The following UBOX5 variants were observed in gnomAD, a reference collection of about 807,000 sequenced individuals.
UBOX5 encodes U-box domain containing 5.
In UBOX5, 28 loss-of-function variants were observed where a neutral mutation model predicts 39.0. That is an observed-to-expected ratio of 0.72 (90% CI 0.53 to 0.98). The LOEUF (loss-of-function observed/expected upper bound fraction) is 0.98, where lower values mean the gene tolerates loss of function less well. Among genes scored for constraint, UBOX5 ranks in the 50% least tolerant of loss-of-function variants. The pLI, the probability that UBOX5 is intolerant of heterozygous loss-of-function variation, is 0.00. For synonymous variants in UBOX5, 283 were observed against 275.5 expected (o/e 1.03, Z -0.27); for missense variants, 585 against 674.4 (o/e 0.87, Z 1.47).
chr20:3,144,921 A>C (rs1200569600), intron 1 of UBOX5, among the ~76,000 whole-genome samples: 1 of 152,178 alleles, frequency 6.6e-6, no homozygotes, highest in Non-Finnish European at 1.5e-5. Context: ...TCTAGGTCCA[A>C]TTTTAAGAAG....
intron 1 of UBOX5, among the ~76,000 whole-genome samples, chr20:3,137,673 G>A (rs759563292): frequency 6.6e-6 from 1 of 152,208 alleles, no homozygotes; most frequent in African/African-American, 2.4e-5. Flanking sequence ...ATTCATTTGT[G>A]TGTGCCTATC....
chr20:3,145,841 T>G (rs1199946282), intron 1 of UBOX5, among the ~76,000 whole-genome samples: 2 of 151,478 alleles, frequency 1.3e-5, no homozygotes, highest in African/African-American at 4.9e-5. Context: ...AGGTCAGGAG[T>G]GTGAGACCAG....
chr20:3,128,664 TCAGCCCGGGCAACA>T (rs1275304289), intron 1 of UBOX5, among the ~76,000 whole-genome samples: 2 of 151,994 alleles, frequency 1.3e-5, no homozygotes, highest in East Asian at 3.9e-4. Flanking sequence ...GAGTTCGAGA[TCAGCCCGGGCAACA>T]CAGCAAGACC....
At chr20:3,134,879 A>T (rs2066457688) in intron 1 of UBOX5, among the ~76,000 whole-genome samples, 2 of 152,032 alleles carry the variant, frequency 1.3e-5, no homozygotes, top group Admixed American at 1.3e-4. Context: ...AAAAAAAAAA[A>T]TTTATATACA....
At chr20:3,121,060 T>C (rs2066331235) in intron 3 of UBOX5, among the ~76,000 whole-genome samples, 1 of 152,174 alleles carries the variant, frequency 6.6e-6, no homozygotes, top group South Asian at 2.1e-4. Flanking sequence ...GAAAAAGTGT[T>C]GACCAGGCCA....
chr20:3,129,467 TA>T (rs1263997214), intron 1 of UBOX5, among the ~76,000 whole-genome samples: 1 of 152,154 alleles, frequency 6.6e-6, no homozygotes, highest in Non-Finnish European at 1.5e-5. Context: ...TTTTAATCTC[TA>T]AAATATACCA....
intron 1 of UBOX5, among the ~76,000 whole-genome samples, chr20:3,140,710 ATTT>A: frequency 6.7e-6 from 1 of 148,306 alleles, no homozygotes; most frequent in East Asian, 2.0e-4. Context: ...GGGTTACCAG[ATTT>A]TTTTTTTTCA....
At chr20:3,113,262 C>A in intron 4 of UBOX5, among the ~76,000 whole-genome samples, 1 of 142,496 alleles carries the variant, frequency 7.0e-6, no homozygotes, top group Middle Eastern at 3.3e-3. Context: ...TACTCTAGCC[C>A]GGGCAACAGA....
intron 1 of UBOX5, among the ~76,000 whole-genome samples, chr20:3,142,877 T>C (rs1600401201): frequency 3.3e-5 from 5 of 151,620 alleles, no homozygotes; most frequent in East Asian, 3.9e-4. Context: ...ATGCCTACTT[T>C]CATTGTTTGT....
At chr20:3,158,684 C>T (rs1331922193) in intron 1 of UBOX5, among the ~76,000 whole-genome samples, 1 of 152,024 alleles carries the variant, frequency 6.6e-6, no homozygotes, top group East Asian at 1.9e-4. Flanking sequence ...CCATATTAGC[C>T]AAGATGGTCT....
intron 1 of UBOX5, chr20:3,148,578 C>T (rs1266267981): frequency 6.2e-7 from 1 of 1,614,126 alleles, no homozygotes; most frequent in Admixed American, 1.7e-5. Flanking sequence ...CACAAATAAT[C>T]AACAATGACT....
intron 1 of UBOX5, among the ~76,000 whole-genome samples, chr20:3,143,095 GTCTTT>G (rs1324818174): frequency 8.2e-6 from 1 of 121,522 alleles, no homozygotes; most frequent in African/African-American, 3.0e-5. Flanking sequence ...TTAATCATCT[GTCTTT>G]TTTTTTTTTT....
intron 1 of UBOX5, among the ~76,000 whole-genome samples, chr20:3,126,054 C>A (rs1158899225): frequency 6.6e-6 from 1 of 152,132 alleles, no homozygotes; most frequent in Non-Finnish European, 1.5e-5. Context: ...ATGACAATGG[C>A]GGTTTTGTCG....
At chr20:3,127,324 C>A (rs1456181988) in intron 1 of UBOX5, among the ~76,000 whole-genome samples, 2 of 152,176 alleles carry the variant, frequency 1.3e-5, no homozygotes, top group Non-Finnish European at 1.5e-5. Flanking sequence ...CTTGCAGGAG[C>A]CAGGCATACT....
chr20:3,131,806 C>A (rs532117289), intron 1 of UBOX5, among the ~76,000 whole-genome samples: 3 of 151,724 alleles, frequency 2.0e-5, no homozygotes, highest in Admixed American at 1.3e-4. Flanking sequence ...GTCAGGAGTT[C>A]GAGATCAGCC....
At chr20:3,127,565 C>G (rs2066400315) in intron 1 of UBOX5, among the ~76,000 whole-genome samples, 1 of 152,270 alleles carries the variant, frequency 6.6e-6, no homozygotes, top group Non-Finnish European at 1.5e-5. Flanking sequence ...AGATGCCCAC[C>G]ATTTCTGAAA....
At chr20:3,110,400 G>C in intron 4 of UBOX5, 86 bp from the exon 5 acceptor site, 1 of 1,465,754 alleles carries the variant, frequency 6.8e-7, no homozygotes, top group Non-Finnish European at 9.5e-7. Context: ...CCTTCCCACC[G>C]TGCTGCTGCA....
Position 3,131,023 on chromosome 20 carries a change from A to G in UBOX5, c.-41-7617T>C, listed in dbSNP as rs1283377356. On this transcript the variant is annotated intron_variant, in intron 1 of 4. Transcript: ENST00000217173. ...GAGGCGGGCAGATCATAAGGTCAGG[A>G]GTTCAAGACCAGCCTGGGCAATATG... Among the ~76,000 whole-genome samples, 3 of 152,094 alleles carry G rather than the reference A, an allele frequency of 2.0e-5. No homozygotes were observed. In the East Asian group the frequency reaches 5.8e-4, roughly 29 times the overall value.
At chr20:3,117,287 GCA>G (rs11468015) in intron 3 of UBOX5, among the ~76,000 whole-genome samples, 14,235 of 147,282 alleles carry the variant, frequency 0.097, 800 homozygotes, top group Non-Finnish European at 0.14. Flanking sequence ...ACCAAAGATG[GCA>G]CACACACACA....
Sources: gnomAD v4.1 joint callset for allele counts (sites outside exome capture counted in the v4.1 genomes callset) on GRCh38, gnomAD v4.1.1 for gene constraint, MANE v1.5 for transcripts, NCBI Gene and HGNC (gene_info 2026-07-23, HGNC 2026-07-21) for gene names.